Variants in DMRT1 observed in about 807,000 individuals in gnomAD.
The protein encoded by DMRT1 is doublesex- and mab-3-related transcription factor 1.
A neutral mutation model predicts 32.3 loss-of-function variants in DMRT1; 7 were observed. That is an observed-to-expected ratio of 0.22 (90% CI 0.12 to 0.41). The LOEUF (loss-of-function observed/expected upper bound fraction) is 0.41, where lower values mean the gene tolerates loss of function less well. Among genes scored for constraint, DMRT1 ranks in the 10% least tolerant of loss-of-function variants. The probability of loss-of-function intolerance (pLI) is 1.00; values close to 1 mark genes in which losing one functional copy is unlikely to be tolerated. For missense variants in DMRT1, 625 were observed against 500.5 expected, an observed-to-expected ratio of 1.25 and a Z score of -2.37; for synonymous variants, 278 against 206.1, an observed-to-expected ratio of 1.35 and a Z score of -2.99.
At chr9:863,894 G>A (rs1036951064) in intron 2 of DMRT1, among the ~76,000 whole-genome samples, 4 of 151,922 alleles carry the variant, frequency 2.6e-5, no homozygotes, top group Admixed American at 1.3e-4. Context: ...TATTGATCCC[G>A]GCCAACATCA....
Position 947,093 on chromosome 9 carries a change from G to A in DMRT1, c.968-20892G>A, listed in dbSNP as rs976121430. ...ACTCGTCTACAGCAGCTGAAGGATG[G>A]AGGAATTGAACCCTACCCCATTTAG... On this transcript the variant is annotated intron_variant, in intron 4 of 4. Transcript: ENST00000382276. Among the ~76,000 whole-genome samples, 38 of 152,202 alleles carry A rather than the reference G, an allele frequency of 2.5e-4. 1 individual carries two copies. Among genetic ancestry groups the A allele is most frequent in the Non-Finnish European group, 2.9e-5 (2 of 68,040 alleles).
chr9:954,997 T>C (rs370435), intron 4 of DMRT1, among the ~76,000 whole-genome samples: 117,463 of 152,124 alleles, frequency 0.77, 45,738 homozygotes, highest in South Asian at 0.93. Context: ...GGGAAAGAGA[T>C]ATACATTGTG....
chr9:872,252 A>G (rs6477320), intron 2 of DMRT1, among the ~76,000 whole-genome samples: 141,774 of 150,910 alleles, frequency 0.94, 66,705 homozygotes, highest in East Asian at 1. Flanking sequence ...TAGTAGAGAT[A>G]GGGTTTCACC....
chr9:846,487 T>G (rs1240447532), intron 1 of DMRT1, among the ~76,000 whole-genome samples: 2 of 152,186 alleles, frequency 1.3e-5, no homozygotes, highest in Non-Finnish European at 2.9e-5. Context: ...CCCACTCTAC[T>G]CTTCAGATTG....
At position 854,217 on chromosome 9, in the gene DMRT1, A is replaced by G. The variant is rs58580362; in HGVS notation, c.538+7074A>G. Among the ~76,000 whole-genome samples, 614 of 151,956 alleles carry G rather than the reference A, an allele frequency of 4.0e-3. 2 individuals carry two copies. The highest frequency in any genetic ancestry group is 0.014 in the African/African-American group (580 of 41,440). On this transcript the variant is annotated intron_variant, in intron 2 of 4. Transcript: ENST00000382276. ...CCGTAGCCTCAAACTCCTGGACTCA[A>G]GTAATCCTCCTGCCTCAGCCTCCCA... is the stretch of plus-strand genomic sequence containing the variant.
intron 2 of DMRT1, among the ~76,000 whole-genome samples, chr9:882,079 G>T (rs1816755544): frequency 6.6e-6 from 1 of 152,206 alleles, no homozygotes; most frequent in Admixed American, 6.5e-5. Flanking sequence ...GTGACTTGGG[G>T]GAATTCTGAG....
chr9:943,996 G>C (rs1819161193), intron 4 of DMRT1, among the ~76,000 whole-genome samples: 1 of 152,080 alleles, frequency 6.6e-6, no homozygotes, highest in Non-Finnish European at 1.5e-5. Context: ...ACTGTGTTTG[G>C]GGTCTCTCAG....
At chr9:908,961 T>G (rs1817877905) in intron 3 of DMRT1, among the ~76,000 whole-genome samples, 1 of 152,076 alleles carries the variant, frequency 6.6e-6, no homozygotes, top group Admixed American at 6.6e-5. Flanking sequence ...CCCTCCCCTG[T>G]CCACCCCTCA....
intron 4 of DMRT1, among the ~76,000 whole-genome samples, chr9:966,447 G>T (rs1317419620): frequency 6.6e-6 from 1 of 152,108 alleles, no homozygotes; most frequent in Admixed American, 6.6e-5. Context: ...AATATAAAAA[G>T]TAACCACTTG....
chr9:908,653 A>G (rs1168995174), intron 3 of DMRT1, among the ~76,000 whole-genome samples: 1 of 149,400 alleles, frequency 6.7e-6, no homozygotes, highest in Non-Finnish European at 1.5e-5. Context: ...TGTAATACAA[A>G]CTTTCCTTTG....
intron 4 of DMRT1, among the ~76,000 whole-genome samples, chr9:921,775 G>C (rs1406250002): frequency 1.3e-5 from 2 of 152,186 alleles, no homozygotes; most frequent in Non-Finnish European, 2.9e-5. Flanking sequence ...TGACTACTTG[G>C]GAGGGTGAGG....
At chr9:870,127 G>T (rs982228168) in intron 2 of DMRT1, among the ~76,000 whole-genome samples, 1 of 152,218 alleles carries the variant, frequency 6.6e-6, no homozygotes, top group South Asian at 2.1e-4. Context: ...GCCGGGCGCG[G>T]TGGCTCACGC....
chr9:886,312 A>G (rs1017402782), intron 2 of DMRT1, among the ~76,000 whole-genome samples: 2 of 152,108 alleles, frequency 1.3e-5, no homozygotes, highest in African/African-American at 4.8e-5. Context: ...CTGCAGTGCA[A>G]TGGTGCGATC....
chr9:931,715 C>A (rs1395819907), intron 4 of DMRT1, among the ~76,000 whole-genome samples: 1 of 152,132 alleles, frequency 6.6e-6, no homozygotes, highest in Admixed American at 6.5e-5. Context: ...GGTCTCTCTT[C>A]TTCTTAAAAG....
chr9:861,137 A>G (rs1763806650), intron 2 of DMRT1, among the ~76,000 whole-genome samples: 1 of 146,426 alleles, frequency 6.8e-6, no homozygotes, highest in Admixed American at 7.0e-5. Flanking sequence ...ATAGGACAAT[A>G]GTGGAGGGAA....
intron 2 of DMRT1, among the ~76,000 whole-genome samples, chr9:881,312 T>G (rs1451566240): frequency 2.0e-5 from 3 of 152,190 alleles, no homozygotes; most frequent in African/African-American, 7.2e-5. Context: ...TAATCTTGAG[T>G]TGAACGGAAG....
chr9:955,319 G>A (rs1001812239), intron 4 of DMRT1, among the ~76,000 whole-genome samples: 1 of 152,184 alleles, frequency 6.6e-6, no homozygotes, highest in African/African-American at 2.4e-5. Flanking sequence ...CAGTTTGCCA[G>A]CATTACTGTG....
intron 2 of DMRT1, among the ~76,000 whole-genome samples, chr9:861,050 C>CTTTTTTTT (rs140608243): frequency 3.3e-5 from 4 of 121,400 alleles, no homozygotes; most frequent in Admixed American, 8.2e-5. Context: ...AATTTACTTT[C>CTTTTTTTT]TTTTTTTTTT....
intron 2 of DMRT1, among the ~76,000 whole-genome samples, chr9:886,905 T>C (rs1334419262): frequency 6.6e-6 from 1 of 152,212 alleles, no homozygotes; most frequent in Non-Finnish European, 1.5e-5. Context: ...GCTTATCCTC[T>C]GTCAGTCTGG....
Sources: gnomAD v4.1 joint callset for allele counts (sites outside exome capture counted in the v4.1 genomes callset) on GRCh38, gnomAD v4.1.1 for gene constraint, MANE v1.5 for transcripts, NCBI Gene and HGNC (gene_info 2026-07-23, HGNC 2026-07-21) for gene names.